Variants in MEIS2 observed in about 807,000 individuals in gnomAD.
The protein encoded by MEIS2 is Meis homeobox 2, also known as homeobox protein Meis2.
A neutral mutation model predicts 58.6 loss-of-function variants in MEIS2; 9 were observed. The observed-to-expected ratio is 0.15, with a 90% CI of 0.09 to 0.27. The LOEUF (loss-of-function observed/expected upper bound fraction) is 0.27. Ranked by LOEUF, MEIS2 falls within the 10% of genes least tolerant of loss-of-function variation. The pLI, the probability that MEIS2 is intolerant of heterozygous loss-of-function variation, is 1.00. For missense variants in MEIS2, 427 were observed against 635.0 expected (o/e 0.67, Z 3.52); for synonymous variants, 221 against 228.4 (o/e 0.97, Z 0.29).
At chr15:36,905,079 C>T (rs2056665460) in intron 9 of MEIS2, among the ~76,000 whole-genome samples, 3 of 152,056 alleles carry the variant, frequency 2.0e-5, no homozygotes, top group Admixed American at 2.0e-4. Context: ...AACACACACA[C>T]ACAGAGCAAT....
chr15:37,053,010 G>A (rs1185242128), intron 7 of MEIS2, among the ~76,000 whole-genome samples: 1 of 152,168 alleles, frequency 6.6e-6, no homozygotes, highest in Non-Finnish European at 1.5e-5. Flanking sequence ...CACCAACACG[G>A]CTTTATTCAG....
In MEIS2 at chr15:36,962,314, T is replaced by C. The variant is rs548945225; in HGVS notation, c.901-11914A>G. On this transcript the variant is annotated intron_variant, in intron 8 of 11. Coordinates refer to ENST00000561208, the MANE Select transcript of MEIS2 (RefSeq NM_170675.5). ...TTAACCAGTTACCCATAGAGTATGATGCTTTTTCATCTGAAACAAGGTATC... is the reference window on the plus strand; with the variant it reads ...TTAACCAGTTACCCATAGAGTATGACGCTTTTTCATCTGAAACAAGGTATC... 5.4e-4 allele frequency among the ~76,000 whole-genome samples: 82 copies of C among 152,298 alleles called. 2 individuals are homozygous for C. In the South Asian group the frequency reaches 0.016, roughly 29 times the overall value.
chr15:37,086,157 A>G (rs929852387), intron 6 of MEIS2, among the ~76,000 whole-genome samples: 11 of 152,182 alleles, frequency 7.2e-5, no homozygotes, highest in African/African-American at 2.7e-4. Flanking sequence ...CCTCATGAAA[A>G]TTATAATAAT....
chr15:36,992,679 CTTTGAG>C (rs993540019), intron 8 of MEIS2, among the ~76,000 whole-genome samples: 2 of 151,850 alleles, frequency 1.3e-5, no homozygotes, highest in African/African-American at 4.8e-5. Context: ...GAAACTGGGT[CTTTGAG>C]TTTTTTCTAC....
chr15:36,984,715 G>A (rs1428720536), intron 8 of MEIS2, among the ~76,000 whole-genome samples: 1 of 152,068 alleles, frequency 6.6e-6, no homozygotes, highest in African/African-American at 2.4e-5. Context: ...AAGCCCTTAG[G>A]TCCTAGACTT....
chr15:37,042,081 T>C (rs1279868830), intron 7 of MEIS2, among the ~76,000 whole-genome samples: 2 of 151,928 alleles, frequency 1.3e-5, no homozygotes, highest in African/African-American at 2.4e-5. Flanking sequence ...ATCCCAAGAG[T>C]TCGAGGCTGC....
In MEIS2 at chr15:36,895,159, C is replaced by T. The variant is rs1595666758; in HGVS notation, c.1139G>A (p.Arg380Gln). 1.9e-6 allele frequency: 3 copies of T among 1,613,656 alleles called. No individual in the cohort carries two copies. The highest frequency in any genetic ancestry group is 2.5e-6 in the Non-Finnish European group (3 of 1,179,908). ...VLDGQQHMGI[R>Q]PAGLQSMPGD... is the part of the protein sequence containing the mutation. Reference sequence around the variant, plus strand: ...GGGATGAGCCAACCTACCTGCAGGCCGGATCCCCATGTGTTGCTGACCATC... The same window carrying T: ...GGGATGAGCCAACCTACCTGCAGGCTGGATCCCCATGTGTTGCTGACCATC... Residue 380 changes from arginine (R) to glutamine (Q), a missense_variant, in exon 11 of 12, where the codon CGG becomes CAG. By Grantham distance (43) the Arg-to-Gln change is conservative (BLOSUM62 1). Transcript: ENST00000561208.
chr15:36,992,174 AC>A (rs1042742193), intron 8 of MEIS2, among the ~76,000 whole-genome samples: 1 of 151,854 alleles, frequency 6.6e-6, no homozygotes, highest in Non-Finnish European at 1.5e-5. Flanking sequence ...GGCTCCTTAA[AC>A]TTTTTGGTCT....
intron 8 of MEIS2, among the ~76,000 whole-genome samples, chr15:36,974,689 T>C (rs1195515778): frequency 6.6e-6 from 1 of 152,180 alleles, no homozygotes; most frequent in African/African-American, 2.4e-5. Context: ...CAGATGGATA[T>C]GGCATGAGGA....
intron 4 of MEIS2, among the ~76,000 whole-genome samples, 155 bp downstream of exon 4, chr15:37,095,409 G>A (rs1009634423): frequency 1.2e-4 from 18 of 152,316 alleles, no homozygotes; most frequent in Middle Eastern, 6.8e-3. Context: ...GCCAGCTCCC[G>A]TGCGGGGGCT....
At chr15:36,919,265 T>C (rs1052949937) in intron 9 of MEIS2, among the ~76,000 whole-genome samples, 3 of 152,166 alleles carry the variant, frequency 2.0e-5, no homozygotes, top group Non-Finnish European at 4.4e-5. Context: ...ACAAATATTA[T>C]CAATGTTTTA....
At chr15:37,010,308 G>C (rs576987486) in intron 8 of MEIS2, among the ~76,000 whole-genome samples, 60 of 151,898 alleles carry the variant, frequency 4.0e-4, no homozygotes, top group Non-Finnish European at 7.1e-4. Flanking sequence ...AGGATGGTCT[G>C]GATCTCCTGA....
intron 7 of MEIS2, among the ~76,000 whole-genome samples, chr15:37,051,519 G>A (rs992283670): frequency 2.0e-5 from 3 of 152,176 alleles, no homozygotes; most frequent in South Asian, 2.1e-4. Flanking sequence ...TGATGGAATC[G>A]TGTAGTATCT....
chr15:37,073,371 A>G (rs1890963343), intron 7 of MEIS2, among the ~76,000 whole-genome samples: 1 of 151,948 alleles, frequency 6.6e-6, no homozygotes, highest in Admixed American at 6.6e-5. Flanking sequence ...TTACTTGCAC[A>G]TTTGTCATGG....
chr15:37,043,959 T>C (rs975588505), intron 7 of MEIS2, among the ~76,000 whole-genome samples: 1 of 152,204 alleles, frequency 6.6e-6, no homozygotes, highest in Admixed American at 6.5e-5. Flanking sequence ...GTGCTGTGAT[T>C]ACAGGCGTGA....
chr15:37,054,865 G>A (rs774199755), intron 7 of MEIS2, among the ~76,000 whole-genome samples: 6 of 152,170 alleles, frequency 3.9e-5, no homozygotes, highest in Admixed American at 6.5e-5. Context: ...ATTATATGCC[G>A]CTAGAGAAAT....
intron 8 of MEIS2, among the ~76,000 whole-genome samples, chr15:37,016,058 G>GA (rs1173019261): frequency 1.3e-5 from 2 of 151,680 alleles, no homozygotes; most frequent in East Asian, 1.9e-4. Flanking sequence ...TTTGATCCAG[G>GA]AAAAAACAAA....
chr15:37,001,086 G>A (rs12913722), intron 8 of MEIS2, among the ~76,000 whole-genome samples: 28,100 of 152,118 alleles, frequency 0.18, 3,001 homozygotes, highest in South Asian at 0.31. Flanking sequence ...CATTTCTTTT[G>A]CATTAACATT....
chr15:36,936,214 AG>A (rs1376863464), intron 9 of MEIS2, among the ~76,000 whole-genome samples: 3 of 129,948 alleles, frequency 2.3e-5, no homozygotes, highest in Non-Finnish European at 3.1e-5. Flanking sequence ...TTTTTTTTTG[AG>A]ATAGAGAATT....
Sources: allele counts gnomAD v4.1 joint callset (sites outside exome capture counted in the v4.1 genomes callset), GRCh38; gene constraint gnomAD v4.1.1; transcripts MANE v1.5; gene names NCBI Gene and HGNC (gene_info 2026-07-23, HGNC 2026-07-21).